The following OSMR variants were observed in gnomAD, a reference collection of about 807,000 sequenced individuals.
OSMR encodes oncostatin M receptor.
A neutral mutation model predicts 99.9 loss-of-function variants in OSMR; 81 were observed. The observed-to-expected ratio is 0.81, with a 90% CI of 0.68 to 0.97. The LOEUF is 0.97. Ranked by LOEUF, OSMR falls within the 50% of genes least tolerant of loss-of-function variation. The pLI, the probability that OSMR is intolerant of heterozygous loss-of-function variation, is 0.00. For missense variants in OSMR, 1,099 were observed against 1,153.4 expected (o/e 0.95, Z 0.68); for synonymous variants, 406 against 410.4 (o/e 0.99, Z 0.13).
rs978535219 is a variant in OSMR at position 38,904,326 on chromosome 5, C to A, written c.1135-27C>A. 1.9e-6 allele frequency: 3 copies of A among 1,607,906 alleles called. No individual in the cohort carries two copies. In the African/African-American group the frequency reaches 4.0e-5, roughly 22 times the overall value. Reference sequence around the variant, plus strand: ...TCTGTCTTGTTCTTTTCTCTTTTTTCTTTTCTTCTCTTTTTTGATCAAGCA... The same window carrying A: ...TCTGTCTTGTTCTTTTCTCTTTTTTATTTTCTTCTCTTTTTTGATCAAGCA... On this transcript the variant is annotated intron_variant, in intron 8 of 17. Coordinates refer to ENST00000274276, the MANE Select transcript of OSMR (RefSeq NM_003999.3).
At position 38,852,820 on chromosome 5, in the gene OSMR, T is replaced by C. The variant is rs531779682; in HGVS notation, c.-14+6433T>C. On this transcript the variant is annotated intron_variant, in intron 1 of 17. Transcript: ENST00000274276. ...ATCCTGGCTCACTGCAAGCTCCGCC[T>C]CTTGGGTTCATGCCATTCTCCTGCC... 1.4e-3 allele frequency among the ~76,000 whole-genome samples: 195 copies of C among 139,100 alleles called. 3 individuals carry two copies. The highest frequency in any genetic ancestry group is 4.8e-3 in the African/African-American group (180 of 37,622). 91.3% of individuals were successfully genotyped at this position (139,100 alleles called of 152,430 possible).
intron 9 of OSMR, among the ~76,000 whole-genome samples, chr5:38,912,482 TA>T (rs1745648732): frequency 6.6e-6 from 1 of 152,136 alleles, no homozygotes; most frequent in South Asian, 2.1e-4. Flanking sequence ...TCAATATCAT[TA>T]AAATCACTGA....
intron 15 of OSMR, among the ~76,000 whole-genome samples, chr5:38,931,093 C>T (rs780723599): frequency 6.6e-6 from 1 of 152,032 alleles, no homozygotes; most frequent in Non-Finnish European, 1.5e-5. Context: ...TAACAGATTT[C>T]ACAATGGTCA....
chr5:38,881,741 G>A lies in OSMR; in HGVS notation c.395G>A (p.Trp132Ter). The A allele has an allele frequency of 6.2e-7, 1 of 1,614,160 alleles. No individual in the cohort carries two copies. Among genetic ancestry groups the A allele is most frequent in the South Asian group, 1.1e-5 (1 of 91,082 alleles). ...KFPEPNFWSN[W>*]SSWEEVSVQD... ...CCTGAGCCAAATTTCTGGAGCAACTGGAGTTCCTGGGAGGAAGTCAGTGGT... is the reference window on the plus strand; with the variant it reads ...CCTGAGCCAAATTTCTGGAGCAACTAGAGTTCCTGGGAGGAAGTCAGTGGT... Residue 132 changes from tryptophan (W) to a stop codon, truncating the protein, a stop_gained, in exon 4 of 18, where the codon TGG becomes TAG. Transcript: ENST00000274276. LOFTEE classifies it high-confidence loss of function.
In OSMR at chr5:38,921,654, G is replaced by GATTCTC. The variant is rs1746240209; in HGVS notation, c.1626_1631dup (p.Phe543_Ser544dup). ...GAAAGAATTGCAGGCACAGAGGGTG[G>GATTCTC]ATTCTCTCTGTCTTGGAAACCCCAA... On this transcript the variant is annotated inframe_insertion, in exon 12 of 18. Coordinates refer to ENST00000274276, the MANE Select transcript of OSMR (RefSeq NM_003999.3). The GATTCTC allele has an allele frequency of 6.2e-7, 1 of 1,613,846 alleles. No homozygotes were observed. Among genetic ancestry groups the GATTCTC allele is most frequent in the Non-Finnish European group, 8.5e-7 (1 of 1,179,844 alleles).
intron 2 of OSMR, among the ~76,000 whole-genome samples, chr5:38,869,448 G>A (rs1426165457): frequency 1.3e-5 from 2 of 152,160 alleles, no homozygotes; most frequent in Admixed American, 6.5e-5. Context: ...AGTTCTTTCT[G>A]TACCTTGCTG....
intron 2 of OSMR, among the ~76,000 whole-genome samples, chr5:38,871,801 G>A (rs1368276198): frequency 1.3e-5 from 2 of 152,088 alleles, no homozygotes; most frequent in Admixed American, 6.6e-5. Flanking sequence ...AACATATGAT[G>A]AGTGTTTTTC....
intron 10 of OSMR, 33 bp from the exon 11 acceptor site, chr5:38,918,807 C>G: frequency 6.2e-7 from 1 of 1,611,242 alleles, no homozygotes; most frequent in Non-Finnish European, 8.5e-7. Flanking sequence ...CAATTAAAAC[C>G]CATTTAAAAA....
At chr5:38,893,313 A>G (rs529407997) in intron 7 of OSMR, among the ~76,000 whole-genome samples, 5 of 152,370 alleles carry the variant, frequency 3.3e-5, no homozygotes, top group African/African-American at 1.2e-4. Context: ...ACAACATCAA[A>G]GGATCACTCT....
At chr5:38,904,257 T>C in intron 8 of OSMR, 96 bp from the exon 9 acceptor site, 1 of 1,548,244 alleles carries the variant, frequency 6.5e-7, no homozygotes, top group Non-Finnish European at 8.7e-7. Flanking sequence ...CAGGATTTGC[T>C]GTGCTCTGGT....
At position 38,933,228 on chromosome 5, in the gene OSMR, C is replaced by G; in HGVS notation, c.2724C>G (p.Ile908Met). The change falls in exon 18 of 18, where the codon ATC (isoleucine) becomes ATG (methionine). Residue 908 changes from isoleucine (I) to methionine (M), a missense_variant. Physicochemically the swap from Ile to Met is conservative, Grantham distance 10. Transcript: ENST00000274276. ...ACTACATGAACTCCCTGGGAGAAAT[C>G]CCAGCTGGAGAAACAAGTTTGAATT... ...EKNYMNSLGE[I>M]PAGETSLNYV... 1 of 1,614,136 alleles carries G rather than the reference C, an allele frequency of 6.2e-7. No individual in the cohort carries two copies. Among genetic ancestry groups the G allele is most frequent in the Non-Finnish European group, 8.5e-7 (1 of 1,180,014 alleles).
Position 38,883,840 on chromosome 5 carries a change from TG to T in OSMR, c.434del (p.Gly145AspfsTer51). ...WEEVSVQDST[G>X]QDILFVFPKD... is the part of the protein sequence containing the mutation. ...TTTTTCTTGCAGTACAAGATTCTAC[TG>T]GACAGGATATATTGTTCGTTTTCCC... On this transcript the variant is annotated frameshift_variant, in exon 5 of 18. Transcript: ENST00000274276. LOFTEE classifies it high-confidence loss of function. 6.2e-7 allele frequency: 1 copy of T among 1,612,876 alleles called. No individual in the cohort carries two copies. Among genetic ancestry groups the T allele is most frequent in the East Asian group, 2.2e-5 (1 of 44,870 alleles).
intron 1 of OSMR, among the ~76,000 whole-genome samples, chr5:38,865,821 G>A (rs1326390762): frequency 6.6e-6 from 1 of 152,254 alleles, no homozygotes; most frequent in Non-Finnish European, 1.5e-5. Context: ...CATGTGTGGT[G>A]CTGGTAATGG....
chr5:38,930,677 A>G lies in OSMR; in HGVS notation c.2213-1206A>G, dbSNP rs1323127215. ...AGTGTCAGTCTAATAACAGAGAGAT[A>G]CTCTCTGAAAGAAAAGATGTTTATT... On this transcript the variant is annotated intron_variant, in intron 15 of 17. Coordinates refer to ENST00000274276, the MANE Select transcript of OSMR (RefSeq NM_003999.3). Among the ~76,000 whole-genome samples, 4 of 152,168 alleles carry G rather than the reference A, an allele frequency of 2.6e-5. No individual in the cohort carries two copies. The East Asian group carries it at 7.7e-4, about 29-fold the overall frequency.
At chr5:38,851,615 C>T (rs569070255) in intron 1 of OSMR, among the ~76,000 whole-genome samples, 9 of 152,238 alleles carry the variant, frequency 5.9e-5, no homozygotes, top group South Asian at 2.1e-4. Context: ...CAGTCATCTA[C>T]GCTCTCTTGA....
chr5:38,886,335 G>GT, intron 7 of OSMR, 145 bp downstream of exon 7: 1 of 1,497,494 alleles, frequency 6.7e-7, no homozygotes, highest in Non-Finnish European at 8.9e-7. Context: ...TTCATGCCAC[G>GT]TTTCTCCTCA....
At chr5:38,871,276 C>T (rs1183947213) in intron 2 of OSMR, among the ~76,000 whole-genome samples, 1 of 152,228 alleles carries the variant, frequency 6.6e-6, no homozygotes, top group African/African-American at 2.4e-5. Flanking sequence ...ATTCTCAGAG[C>T]AAGCTCTGCT....
At chr5:38,870,245 C>A (rs923799099) in intron 2 of OSMR, among the ~76,000 whole-genome samples, 2 of 152,002 alleles carry the variant, frequency 1.3e-5, no homozygotes, top group African/African-American at 4.8e-5. Flanking sequence ...GTATGTATAC[C>A]TCTCGCTCAC....
At chr5:38,854,625 T>TA (rs113346018) in intron 1 of OSMR, among the ~76,000 whole-genome samples, 2 of 152,086 alleles carry the variant, frequency 1.3e-5, no homozygotes, top group African/African-American at 4.8e-5. Context: ...CTATTTTCAT[T>TA]AAAAAAAGAT....
Sources: gnomAD v4.1 joint callset for allele counts (sites outside exome capture counted in the v4.1 genomes callset) on GRCh38, gnomAD v4.1.1 for gene constraint, MANE v1.5 for transcripts, NCBI Gene and HGNC (gene_info 2026-07-23, HGNC 2026-07-21) for gene names.